Variants in COL28A1 observed in about 807,000 individuals in gnomAD.
COL28A1 encodes the protein collagen alpha-1(XXVIII) chain.
In COL28A1, 161 loss-of-function variants were observed where a neutral mutation model predicts 150.2. The observed-to-expected ratio is 1.07, with a 90% CI of 0.94 to 1.22. The LOEUF is 1.22. Among genes scored for constraint, COL28A1 ranks in the 50% most tolerant of loss-of-function variants. The pLI is 0.00. For missense variants in COL28A1, 1,617 were observed against 1,388.3 expected, an observed-to-expected ratio of 1.16 and a Z score of -2.62; for synonymous variants, 552 against 469.7, an observed-to-expected ratio of 1.18 and a Z score of -2.26.
At chr7:7,443,271 T>C (rs1785955178) in intron 20 of COL28A1, among the ~76,000 whole-genome samples, 1 of 152,350 alleles carries the variant, frequency 6.6e-6, no homozygotes, top group East Asian at 1.9e-4. Context: ...ATTTATGGAC[T>C]GTCAAATCTC....
At chr7:7,493,443 G>C (rs186308458) in intron 11 of COL28A1, among the ~76,000 whole-genome samples, 2 of 152,284 alleles carry the variant, frequency 1.3e-5, no homozygotes, top group Admixed American at 6.5e-5. Flanking sequence ...TTTAGCCTTA[G>C]TCAAGTACCA....
chr7:7,541,447 A>G, the COL28A1 span, among the ~76,000 whole-genome samples: 1 of 152,200 alleles, frequency 6.6e-6, no homozygotes, highest in African/African-American at 2.4e-5. Flanking sequence ...ATATAATGTT[A>G]TTTAATGTTG....
chr7:7,462,463 A>G lies in COL28A1; in HGVS notation c.1303-6351T>C, dbSNP rs139392651. Among the ~76,000 whole-genome samples the G allele has an allele frequency of 1.4e-4, 21 of 152,324 alleles. No homozygotes were observed. In the East Asian group the frequency reaches 4.0e-3, roughly 29 times the overall value. On this transcript the variant is annotated intron_variant, in intron 15 of 34. Transcript: ENST00000399429. Reference sequence around the variant, plus strand: ...ACCAGAGAAAGGTGAAGCCCAATGTAAGGAAATTTAAAAAATGATACAAGA... The same window carrying G: ...ACCAGAGAAAGGTGAAGCCCAATGTGAGGAAATTTAAAAAATGATACAAGA...
At chr7:7,515,293 C>A (rs1238625726) in intron 8 of COL28A1, among the ~76,000 whole-genome samples, 1 of 152,178 alleles carries the variant, frequency 6.6e-6, no homozygotes, top group Non-Finnish European at 1.5e-5. Context: ...ATCATCAAAT[C>A]ATCTACCAAC....
In COL28A1 at chr7:7,533,947, G is replaced by A. The variant is rs997017847; in HGVS notation, c.-37-1035C>T. Among the ~76,000 whole-genome samples, 21 of 152,130 alleles carry A rather than the reference G, an allele frequency of 1.4e-4. 1 individual carries two copies. The highest frequency in any genetic ancestry group is 1.5e-5 in the Non-Finnish European group (1 of 68,002). Reference sequence around the variant, plus strand: ...AAAAGGAATCACATTTTCCTTCTTTGGCACCTTGCCTTTAGGGGATAAGAA... The same window carrying A: ...AAAAGGAATCACATTTTCCTTCTTTAGCACCTTGCCTTTAGGGGATAAGAA... On this transcript the variant is annotated intron_variant, in intron 1 of 34. Transcript: ENST00000399429.
At chr7:7,377,733 C>G (rs1037873833) in intron 30 of COL28A1, among the ~76,000 whole-genome samples, 1 of 147,412 alleles carries the variant, frequency 6.8e-6, no homozygotes, top group African/African-American at 2.5e-5. Flanking sequence ...GAGAAGAGCT[C>G]TGGTGGAACT....
At chr7:7,477,701 T>C (rs898351802) in intron 13 of COL28A1, among the ~76,000 whole-genome samples, 1 of 152,192 alleles carries the variant, frequency 6.6e-6, no homozygotes, top group Admixed American at 6.5e-5. Flanking sequence ...ATATAGGCAG[T>C]GTGGACCCAA....
rs539053192 is a variant in COL28A1 at position 7,501,472 on chromosome 7, A to C, written c.1026+4542T>G. ...GTCCCTCCTCCCAAGGCACAAAGAG[A>C]GTCTTGGAAAGAGTGGATTTGCATG... is the stretch of plus-strand genomic sequence containing the variant. On this transcript the variant is annotated intron_variant, in intron 11 of 34. Coordinates refer to ENST00000399429, the MANE Select transcript of COL28A1 (RefSeq NM_001037763.3). Among the ~76,000 whole-genome samples, 8 of 152,144 alleles carry C rather than the reference A, an allele frequency of 5.3e-5. No homozygotes were observed. In the South Asian group the frequency reaches 1.7e-3, roughly 32 times the overall value.
chr7:7,510,401 C>T (rs1781062722), intron 9 of COL28A1, among the ~76,000 whole-genome samples: 1 of 152,130 alleles, frequency 6.6e-6, no homozygotes, highest in Admixed American at 6.6e-5. Context: ...TTTCCTGTCT[C>T]AGCCTCCTGA....
Position 7,358,504 on chromosome 7 carries a change from G to A in COL28A1, c.*129C>T, listed in dbSNP as rs1199476460. ...TATGTACATCCTAGGGCTGTAGTGA[G>A]AATTCAATTACATGTATAAGTTGTA... On this transcript the variant is annotated 3_prime_UTR_variant, in exon 35 of 35. Transcript: ENST00000399429. The A allele has an allele frequency of 2.4e-6, 2 of 846,486 alleles. No homozygotes were observed. The highest frequency in any genetic ancestry group is 5.0e-5 in the East Asian group (2 of 39,670). The allele number at this position is 846,486 out of a possible 1,614,324, so 52.4% of individuals were successfully genotyped here.
intron 27 of COL28A1, among the ~76,000 whole-genome samples, chr7:7,399,307 C>T (rs1783026147): frequency 6.6e-6 from 1 of 152,170 alleles, no homozygotes; most frequent in African/African-American, 2.4e-5. Context: ...TCCCTGACCT[C>T]AGCCAAGAGT....
At chr7:7,534,286 T>C (rs1297479855) in intron 1 of COL28A1, among the ~76,000 whole-genome samples, 1 of 152,140 alleles carries the variant, frequency 6.6e-6, no homozygotes, top group East Asian at 1.9e-4. Flanking sequence ...TAAAGACAGC[T>C]GGGTATTAAA....
In COL28A1 at chr7:7,373,673, A is replaced by G. The variant is rs1781360834; in HGVS notation, c.2360-127T>C. The stretch of plus-strand genomic sequence containing the variant: ...ATTCTCTTCCTTTTCTGTGATTGTG[A>G]AAATACCTGACAGCTGTCTCCATTC... On this transcript the variant is annotated intron_variant, in intron 31 of 34. Transcript: ENST00000399429. This position sits in a 1 kb window ranked among gnomAD's most constrained non-coding sequence, Gnocchi z 4.1. 6.7e-6 allele frequency: 5 copies of G among 741,644 alleles called. No individual in the cohort carries two copies. The highest frequency in any genetic ancestry group is 1.1e-5 in the Non-Finnish European group (5 of 461,364). 45.9% of individuals were successfully genotyped at this position (741,644 alleles called of 1,614,324 possible).
Position 7,373,979 on chromosome 7 carries a change from G to A in COL28A1, c.2360-433C>T, listed in dbSNP as rs930258257. On this transcript the variant is annotated intron_variant, in intron 31 of 34. Transcript: ENST00000399429. This position sits in a 1 kb window ranked among gnomAD's most constrained non-coding sequence, Gnocchi z 4.1. ...CTCCCAAAGTGCTGGGATTACAGGC[G>A]TGAGCCACCGCGCCCGGCCCCTTCT... Among the ~76,000 whole-genome samples, 4 of 146,372 alleles carry A rather than the reference G, an allele frequency of 2.7e-5. No homozygotes were observed. The highest frequency in any genetic ancestry group is 4.5e-5 in the Non-Finnish European group (3 of 67,268).
At chr7:7,418,024 G>C in intron 26 of COL28A1, 97 bp from the exon 27 acceptor site, 1 of 945,408 alleles carries the variant, frequency 1.1e-6, no homozygotes, top group South Asian at 1.6e-5. Context: ...TCTTACTTCA[G>C]TCTGACCAGG....
intron 11 of COL28A1, among the ~76,000 whole-genome samples, chr7:7,496,202 G>A (rs775348598): frequency 2.5e-4 from 38 of 152,040 alleles, no homozygotes; most frequent in Admixed American, 5.9e-4. Flanking sequence ...TTGCAACTTT[G>A]CATTTAATGT....
intron 15 of COL28A1, among the ~76,000 whole-genome samples, chr7:7,474,058 A>C (rs111985783): frequency 6.5e-4 from 87 of 134,584 alleles, no homozygotes; most frequent in African/African-American, 9.5e-4. Context: ...TATATACTCT[A>C]TATATATATG....
At chr7:7,537,341 G>A (rs1419694704), upstream of COL28A1, among the ~76,000 whole-genome samples, 1 of 152,138 alleles carries the variant, frequency 6.6e-6, no homozygotes, top group Non-Finnish European at 1.5e-5. Flanking sequence ...TCCAGGACCT[G>A]GAGAAAACCC....
At chr7:7,426,046 G>C (rs1784628922) in intron 25 of COL28A1, among the ~76,000 whole-genome samples, 1 of 152,200 alleles carries the variant, frequency 6.6e-6, no homozygotes, top group East Asian at 1.9e-4. Flanking sequence ...GAAGAAGGTG[G>C]AAGCAAGATA....
Sources: gnomAD v4.1 joint callset for allele counts (sites outside exome capture counted in the v4.1 genomes callset) on GRCh38, gnomAD v4.1.1 for gene constraint, Gnocchi (gnomAD v3.1) non-coding constraint, MANE v1.5 for transcripts, NCBI Gene and HGNC (gene_info 2026-07-23, HGNC 2026-07-21) for gene names.